Variants in PLA2G6 observed in about 807,000 individuals in gnomAD.
PLA2G6 encodes phospholipase A2 group VI, also known as 85/88 kDa calcium-independent phospholipase A2.
In PLA2G6, 62 loss-of-function variants were observed where a neutral mutation model predicts 83.8. The observed-to-expected ratio is 0.74, with a 90% confidence interval of 0.60 to 0.91. The LOEUF (loss-of-function observed/expected upper bound fraction) is 0.91. Among genes scored for constraint, PLA2G6 ranks in the 40% least tolerant of loss-of-function variants. PLA2G6 has a pLI of 0.00. For missense variants in PLA2G6, 944 were observed against 1,102.0 expected (o/e 0.86, Z 2.03); for synonymous variants, 417 against 449.8 (o/e 0.93, Z 0.92).
intron 1 of PLA2G6, among the ~76,000 whole-genome samples, chr22:38,170,258 T>A (rs1029553389): frequency 2.0e-5 from 3 of 149,412 alleles, no homozygotes; most frequent in Non-Finnish European, 4.4e-5. Flanking sequence ...AAAATCAATG[T>A]CCCCCCTCCT....
At chr22:38,122,993 T>C (rs2087610766) in intron 11 of PLA2G6, 102 bp downstream of exon 11, 2 of 1,165,970 alleles carry the variant, frequency 1.7e-6, no homozygotes, top group East Asian at 2.6e-5. Context: ...AGCCCTCCTC[T>C]ACTCCTCCAC....
intron 2 of PLA2G6, among the ~76,000 whole-genome samples, chr22:38,152,815 A>G (rs2089620118): frequency 6.6e-6 from 1 of 152,214 alleles, no homozygotes; most frequent in South Asian, 2.1e-4. Flanking sequence ...AAGCTAAGAG[A>G]CAGAAAAAAC....
At chr22:38,133,985 ATT>A (rs1236594764) in intron 6 of PLA2G6, 1 of 152,158 alleles carries the variant, frequency 6.6e-6, no homozygotes, top group Non-Finnish European at 1.5e-5. Context: ...GGAGATTAAC[ATT>A]TGAGTCAGTA....
In PLA2G6 at chr22:38,132,505, G is replaced by A. The variant is rs539387189; in HGVS notation, c.1077+326C>T. 10 of 459,406 alleles carry A rather than the reference G, an allele frequency of 2.2e-5. No individual in the cohort carries two copies. Among genetic ancestry groups the A allele is most frequent in the East Asian group, 8.0e-5 (2 of 24,854 alleles). The allele number at this position is 459,406 out of a possible 1,614,324, so 28.5% of individuals were successfully genotyped here. On this transcript the variant is annotated intron_variant, in intron 7 of 16. Coordinates refer to ENST00000332509, the MANE Select transcript of PLA2G6 (RefSeq NM_003560.4). This position sits in a 1 kb window ranked among gnomAD's most constrained non-coding sequence, Gnocchi z 5.0. ...CCACCATTTTCCAGATGAGGAAATC[G>A]AGGCTGACAGGTGACATGGCTTGCT...
intron 6 of PLA2G6, chr22:38,134,700 T>C: frequency 2.2e-6 from 1 of 458,618 alleles, no homozygotes; most frequent in Non-Finnish European, 4.0e-6. Flanking sequence ...CTTTACAATT[T>C]GTGCCGAGTT....
chr22:38,127,578 G>A (rs921900601), intron 9 of PLA2G6: 10 of 622,256 alleles, frequency 1.6e-5, no homozygotes, highest in Admixed American at 2.4e-5. Flanking sequence ...AGGCTTGGTC[G>A]GGCTACCCTG....
chr22:38,126,286 A>G, intron 10 of PLA2G6, 85 bp downstream of exon 10: 1 of 1,013,836 alleles, frequency 9.9e-7, no homozygotes, highest in Middle Eastern at 2.1e-4. Context: ...GCAGAGAGTA[A>G]AGCCCTGAGC....
intron 2 of PLA2G6, among the ~76,000 whole-genome samples, chr22:38,155,376 T>C (rs1018627171): frequency 9.9e-5 from 15 of 152,100 alleles, no homozygotes; most frequent in African/African-American, 3.6e-4. Context: ...TTAATGGTAA[T>C]AGCAAGTACA....
intron 1 of PLA2G6, among the ~76,000 whole-genome samples, chr22:38,171,975 A>G (rs566262133): frequency 9.2e-5 from 14 of 152,082 alleles, no homozygotes; most frequent in African/African-American, 3.4e-4. Flanking sequence ...AATGTTCTTG[A>G]TACACCATCA....
At chr22:38,122,264 G>A (rs549737260) in intron 11 of PLA2G6, among the ~76,000 whole-genome samples, 5 of 152,238 alleles carry the variant, frequency 3.3e-5, no homozygotes, top group African/African-American at 9.6e-5. Flanking sequence ...CAGATGTGGG[G>A]GCGCTCTGGA....
chr22:38,128,829 A>G lies in PLA2G6; in HGVS notation c.1187-399T>C, dbSNP rs554950295. Among the ~76,000 whole-genome samples the G allele has an allele frequency of 6.6e-6, 1 of 152,344 alleles. No homozygotes were observed. The highest frequency in any genetic ancestry group is 2.4e-5 in the African/African-American group (1 of 41,582). The stretch of plus-strand genomic sequence containing the variant: ...AGGGGGCACCTACTCCATTTGATGG[A>G]TGGGATTGCTGAAAAGGAGGTCATA... On this transcript the variant is annotated intron_variant, in intron 8 of 16. Coordinates refer to ENST00000332509, the MANE Select transcript of PLA2G6 (RefSeq NM_003560.4). The surrounding 1 kb of genome is among the most constrained non-coding windows in gnomAD (Gnocchi z 4.4).
intron 4 of PLA2G6, chr22:38,140,392 C>T: frequency 1.9e-6 from 1 of 513,030 alleles, no homozygotes; most frequent in Non-Finnish European, 3.6e-6. Context: ...CCTGTAATCC[C>T]AGCTACTCAG....
At chr22:38,151,026 G>A (rs1041289502) in intron 2 of PLA2G6, among the ~76,000 whole-genome samples, 3 of 152,162 alleles carry the variant, frequency 2.0e-5, no homozygotes, top group Middle Eastern at 3.2e-3. Flanking sequence ...GGCGGAGATC[G>A]TGCCACTGTA....
chr22:38,177,432 T>C (rs2090677995), intron 1 of PLA2G6, among the ~76,000 whole-genome samples: 1 of 150,670 alleles, frequency 6.6e-6, no homozygotes, highest in South Asian at 2.1e-4. Flanking sequence ...GCCAGACGCT[T>C]CACCACAGTT....
In PLA2G6 at chr22:38,131,986, G is replaced by A. The variant is rs757880017; in HGVS notation, c.1077+845C>T. ...AAAAATTAGCTGGGCATGGTGGCAC[G>A]TGCCTGCAGTCCCAGCTACTTGGGA... On this transcript the variant is annotated intron_variant, in intron 7 of 16. Transcript: ENST00000332509. 2.7e-4 allele frequency: 96 copies of A among 353,360 alleles called. 1 individual carries two copies. Among genetic ancestry groups the A allele is most frequent in the African/African-American group, 1.3e-3 (60 of 45,086 alleles). 21.9% of individuals were successfully genotyped at this position (353,360 alleles called of 1,614,324 possible).
At position 38,145,423 on chromosome 22, in the gene PLA2G6, T is replaced by C; in HGVS notation, c.425+15A>G. The C allele has an allele frequency of 6.3e-7, 1 of 1,592,398 alleles. No homozygotes were observed. Among genetic ancestry groups the C allele is most frequent in the Non-Finnish European group, 8.6e-7 (1 of 1,168,762 alleles). On this transcript the variant is annotated intron_variant, in intron 3 of 16. Transcript: ENST00000332509. ...TACACACACGTTGTCCAAATGGTCT[T>C]GTTCCCTTGCTCACCTGATGATACG...
chr22:38,115,755 G>A, intron 13 of PLA2G6, 74 bp from the exon 14 acceptor site: 23 of 1,527,354 alleles, frequency 1.5e-5, no homozygotes, highest in South Asian at 9.7e-5. Context: ...AGATCTCAGG[G>A]TGTGCGTGTT....
In PLA2G6 at chr22:38,112,538, C is replaced by T; in HGVS notation, c.2242G>A (p.Ala748Thr). Residue 748 changes from alanine (A) to threonine (T), a missense_variant, in exon 16 of 17, where the codon GCC becomes ACC. Coordinates refer to ENST00000332509, the MANE Select transcript of PLA2G6 (RefSeq NM_003560.4). The part of the protein sequence containing the change: ...PDGRAVDRAR[A>T]WCEMVGIQYF... Reference sequence around the variant, plus strand: ...TGGATGCCGACCATCTCGCACCAGGCCCGTGCCCGGTCCACAGCCCGCCCG... The same window carrying T: ...TGGATGCCGACCATCTCGCACCAGGTCCGTGCCCGGTCCACAGCCCGCCCG... 6.4e-7 allele frequency: 1 copy of T among 1,554,546 alleles called. No homozygotes were observed. The highest frequency in any genetic ancestry group is 1.2e-5 in the South Asian group (1 of 84,694).
intron 12 of PLA2G6, among the ~76,000 whole-genome samples, chr22:38,117,215 T>C (rs1311882807): frequency 6.6e-6 from 1 of 152,100 alleles, no homozygotes; most frequent in Non-Finnish European, 1.5e-5. Flanking sequence ...GACACAAAAA[T>C]CTTTTTTTTG....
Sources: allele counts gnomAD v4.1 joint callset (sites outside exome capture counted in the v4.1 genomes callset), GRCh38; gene constraint gnomAD v4.1.1; non-coding constraint Gnocchi (gnomAD v3.1); transcripts MANE v1.5; gene names NCBI Gene and HGNC (gene_info 2026-07-23, HGNC 2026-07-21).